Variants in ATRNL1 observed in about 807,000 individuals in gnomAD.
ATRNL1 encodes attractin-like protein 1.
In ATRNL1, 95 loss-of-function variants were observed where a neutral mutation model predicts 182.7. The observed-to-expected ratio is 0.52, with a 90% CI of 0.44 to 0.62. The LOEUF is 0.62. Among genes scored for constraint, ATRNL1 ranks in the 20% least tolerant of loss-of-function variants. The pLI, the probability that ATRNL1 is intolerant of heterozygous loss-of-function variation, is 0.00. For synonymous variants in ATRNL1, 576 were observed against 568.3 expected (o/e 1.01, Z -0.19); for missense variants, 1,471 against 1,679.5 (o/e 0.88, Z 2.17).
intron 10 of ATRNL1, among the ~76,000 whole-genome samples, chr10:115,259,057 G>A (rs1851283967): frequency 6.6e-6 from 1 of 152,186 alleles, no homozygotes; most frequent in Non-Finnish European, 1.5e-5. Flanking sequence ...GTTTCTGCCA[G>A]TTAGGCTACA....
At chr10:115,328,598 G>C (rs2134056298) in intron 18 of ATRNL1, among the ~76,000 whole-genome samples, 1 of 151,734 alleles carries the variant, frequency 6.6e-6, no homozygotes, top group Admixed American at 6.6e-5. Flanking sequence ...ATTCTCTCCA[G>C]TTTCTTGTAA....
chr10:115,679,173 C>A (rs1475177030), intron 26 of ATRNL1, among the ~76,000 whole-genome samples: 1 of 152,130 alleles, frequency 6.6e-6, no homozygotes, highest in Non-Finnish European at 1.5e-5. Context: ...TTGGCCATAT[C>A]TGAAGTATGT....
chr10:115,870,639 A>T (rs1951557447), intron 28 of ATRNL1, among the ~76,000 whole-genome samples: 1 of 152,210 alleles, frequency 6.6e-6, no homozygotes, highest in South Asian at 2.1e-4. Context: ...TAACCAATCC[A>T]TCTTGACATT....
At chr10:115,570,151 A>T (rs1555003058) in intron 26 of ATRNL1, among the ~76,000 whole-genome samples, 1 of 152,076 alleles carries the variant, frequency 6.6e-6, no homozygotes, top group East Asian at 1.9e-4. Context: ...TTTAGTAGAG[A>T]TGGGGTTTTG....
At chr10:115,408,265 A>C (rs1272778790) in intron 20 of ATRNL1, among the ~76,000 whole-genome samples, 1 of 150,118 alleles carries the variant, frequency 6.7e-6, no homozygotes, top group Non-Finnish European at 1.5e-5. Flanking sequence ...GGCCTCCCAA[A>C]GTGCTGGGAT....
intron 1 of ATRNL1, among the ~76,000 whole-genome samples, chr10:115,101,903 C>G (rs1182296264): frequency 6.6e-6 from 1 of 152,128 alleles, no homozygotes; most frequent in East Asian, 1.9e-4. Context: ...TGACTAGAAT[C>G]CTTTAAAATT....
chr10:115,579,345 C>T (rs1312442318), intron 26 of ATRNL1, among the ~76,000 whole-genome samples: 2 of 151,560 alleles, frequency 1.3e-5, no homozygotes, highest in Non-Finnish European at 3.0e-5. Flanking sequence ...TTAATGTTTG[C>T]TTTATATGTT....
Position 115,519,253 on chromosome 10 carries a change from G to A in ATRNL1, c.3655-10G>A, listed in dbSNP as rs781918906. On this transcript the variant is annotated splice_polypyrimidine_tract_variant and intron_variant, in intron 24 of 28. Transcript: ENST00000355044. ...ACATACTTTCAATTTTTTTTATTTT[G>A]ATTTTTCAGATTGCATTCTCACAAC... is the stretch of plus-strand genomic sequence containing the variant. The A allele has an allele frequency of 5.6e-6, 9 of 1,604,632 alleles. No individual in the cohort carries two copies. The East Asian group carries it at 9.0e-5, about 16-fold the overall frequency.
intron 8 of ATRNL1, among the ~76,000 whole-genome samples, chr10:115,210,116 T>G (rs554166157): frequency 3.2e-4 from 49 of 152,032 alleles, no homozygotes; most frequent in Non-Finnish European, 5.6e-4. Context: ...TACTGGTAGC[T>G]GATCACTAGT....
intron 15 of ATRNL1, among the ~76,000 whole-genome samples, chr10:115,290,935 C>G (rs1340125217): frequency 6.6e-6 from 1 of 152,162 alleles, no homozygotes; most frequent in Admixed American, 6.5e-5. Flanking sequence ...GCCATGTTGC[C>G]TGTTCCTTTA....
chr10:115,218,580 G>A (rs528816799), intron 9 of ATRNL1, among the ~76,000 whole-genome samples: 32 of 152,256 alleles, frequency 2.1e-4, no homozygotes, highest in Non-Finnish European at 3.7e-4. Flanking sequence ...TGTAATAGTT[G>A]TTCATGCACC....
chr10:115,774,403 C>T (rs868921649), intron 27 of ATRNL1, among the ~76,000 whole-genome samples: 4 of 128,754 alleles, frequency 3.1e-5, no homozygotes, highest in Non-Finnish European at 4.7e-5. Context: ...CCAGCCTGGG[C>T]GACAAGAGCA....
intron 25 of ATRNL1, among the ~76,000 whole-genome samples, chr10:115,531,903 T>C (rs1297875723): frequency 1.4e-5 from 2 of 145,616 alleles, no homozygotes; most frequent in Non-Finnish European, 1.6e-5. Flanking sequence ...CCCCATTGCT[T>C]GTTTTTCTCA....
chr10:115,462,392 T>A (rs1847850910), intron 22 of ATRNL1, among the ~76,000 whole-genome samples: 1 of 152,068 alleles, frequency 6.6e-6, no homozygotes, highest in South Asian at 2.1e-4. Context: ...GGCGGGCAGA[T>A]CATGATGCCC....
chr10:115,831,430 G>A (rs782623147), intron 27 of ATRNL1, among the ~76,000 whole-genome samples: 1 of 152,124 alleles, frequency 6.6e-6, no homozygotes, highest in Non-Finnish European at 1.5e-5. Context: ...TTAATAAAGA[G>A]GAATGAGCAT....
At position 115,371,355 on chromosome 10, in the gene ATRNL1, A is replaced by G. The variant is rs556505823; in HGVS notation, c.3176-23304A>G. On this transcript the variant is annotated intron_variant, in intron 19 of 28. Transcript: ENST00000355044. ...CAACAGCTGGCACCCTGCATTTGGA[A>G]AAGCCACAGACACTCAATGCTGGCC... Among the ~76,000 whole-genome samples, 22 of 152,262 alleles carry G rather than the reference A, an allele frequency of 1.4e-4. 1 individual carries two copies. In the South Asian group the frequency reaches 3.7e-3, roughly 26 times the overall value.
At chr10:115,616,930 G>A (rs1268732071) in intron 26 of ATRNL1, among the ~76,000 whole-genome samples, 3 of 152,234 alleles carry the variant, frequency 2.0e-5, no homozygotes, top group Non-Finnish European at 4.4e-5. Flanking sequence ...GGATATGTCA[G>A]GTTGGAGCTC....
chr10:115,804,949 C>T (rs74577694), intron 27 of ATRNL1, among the ~76,000 whole-genome samples: 2 of 152,166 alleles, frequency 1.3e-5, no homozygotes, highest in East Asian at 1.9e-4. Context: ...ACAACATTTT[C>T]GTTAAGTCTA....
chr10:115,479,177 G>T (rs1367331890), intron 24 of ATRNL1, among the ~76,000 whole-genome samples: 1 of 151,540 alleles, frequency 6.6e-6, no homozygotes, highest in East Asian at 2.0e-4. Context: ...GTATTTACTT[G>T]TTAATACTGT....
Sources: gnomAD v4.1 joint callset for allele counts (sites outside exome capture counted in the v4.1 genomes callset) on GRCh38, gnomAD v4.1.1 for gene constraint, MANE v1.5 for transcripts, NCBI Gene and HGNC (gene_info 2026-07-23, HGNC 2026-07-21) for gene names.